The following LARS2 variants were observed in gnomAD, a reference collection of about 807,000 sequenced individuals.
LARS2 encodes leucyl-tRNA synthetase 2, mitochondrial.
A neutral mutation model predicts 116.6 loss-of-function variants in LARS2; 81 were observed. That is an observed-to-expected ratio of 0.69 (90% CI 0.58 to 0.84). The LOEUF (loss-of-function observed/expected upper bound fraction) is 0.84. LARS2 is among the 40% of genes least tolerant of loss of function. The pLI, the probability that LARS2 is intolerant of heterozygous loss-of-function variation, is 0.00. For missense variants in LARS2, 968 were observed against 1,114.5 expected (o/e 0.87, Z 1.87); for synonymous variants, 396 against 407.2 (o/e 0.97, Z 0.33).
At chr3:45,412,647 T>A (rs1368625656) in intron 4 of LARS2, among the ~76,000 whole-genome samples, 1 of 152,188 alleles carries the variant, frequency 6.6e-6, no homozygotes, top group Non-Finnish European at 1.5e-5. Flanking sequence ...GAATTGAAGA[T>A]AGTAGCTTGG....
chr3:45,413,448 T>C (rs777263362), intron 4 of LARS2, among the ~76,000 whole-genome samples: 25 of 152,230 alleles, frequency 1.6e-4, no homozygotes, highest in Non-Finnish European at 2.6e-4. Flanking sequence ...GAACATGTCA[T>C]GCTCAATAAT....
At chr3:45,509,966 C>G (rs1279158044) in intron 15 of LARS2, among the ~76,000 whole-genome samples, 5 of 152,008 alleles carry the variant, frequency 3.3e-5, no homozygotes, top group Non-Finnish European at 5.9e-5. Context: ...TTTCTTTCTT[C>G]CCTCCTCTCT....
intron 6 of LARS2, among the ~76,000 whole-genome samples, chr3:45,436,138 T>G (rs1426729274): frequency 6.6e-6 from 1 of 152,334 alleles, no homozygotes; most frequent in African/African-American, 2.4e-5. Flanking sequence ...ACGGCTCATT[T>G]TGGGCACTGC....
intron 8 of LARS2, 31 bp from the exon 9 acceptor site, chr3:45,474,212 C>A: frequency 7.1e-7 from 1 of 1,417,692 alleles, no homozygotes; most frequent in South Asian, 1.2e-5. Context: ...CCTTGTGCCT[C>A]TACTTCTTTG....
At position 45,474,507 on chromosome 3, in the gene LARS2, A is replaced by G. The variant is rs180929081; in HGVS notation, c.858+157A>G. Among the ~76,000 whole-genome samples, 3 of 152,368 alleles carry G rather than the reference A, an allele frequency of 2.0e-5. No individual in the cohort carries two copies. In the East Asian group the frequency reaches 5.8e-4, roughly 29 times the overall value. ...GTAGCCACATTTTTTAAAAGTGCAA[A>G]GAACAGGTGAAATGAATTTCAATAA... On this transcript the variant is annotated intron_variant, in intron 9 of 21. Coordinates refer to ENST00000645846, the MANE Select transcript of LARS2 (RefSeq NM_015340.4).
chr3:45,510,319 TGGGAATATCACTTGAGCCCA>T, intron 15 of LARS2, among the ~76,000 whole-genome samples: 1 of 151,734 alleles, frequency 6.6e-6, no homozygotes, highest in East Asian at 1.9e-4. Flanking sequence ...AGGGGTAAGG[TGGGAATATCACTTGAGCCCA>T]GGAGACTGAG....
chr3:45,400,117 A>G, intron 3 of LARS2, 128 bp from the exon 4 acceptor site: 1 of 880,450 alleles, frequency 1.1e-6, no homozygotes, highest in Non-Finnish European at 1.7e-6. Flanking sequence ...ACATTCTGGG[A>G]ACACTCTTTT....
intron 21 of LARS2, 43 bp downstream of exon 21, chr3:45,541,999 C>T (rs747231151): frequency 1.2e-6 from 2 of 1,609,120 alleles, no homozygotes; most frequent in Non-Finnish European, 8.5e-7. Flanking sequence ...AGTCCCTGCC[C>T]TGCTGGTGGC....
intron 20 of LARS2, among the ~76,000 whole-genome samples, chr3:45,528,334 C>T (rs1241108348): frequency 6.6e-6 from 1 of 152,180 alleles, no homozygotes; most frequent in African/African-American, 2.4e-5. Context: ...AAGAGCCTGT[C>T]TCACAAAACA....
intron 6 of LARS2, among the ~76,000 whole-genome samples, chr3:45,427,270 A>T (rs1006913976): frequency 1.3e-5 from 2 of 152,210 alleles, no homozygotes; most frequent in African/African-American, 4.8e-5. Context: ...CATGAAAATA[A>T]CAAGGATTAT....
intron 8 of LARS2, among the ~76,000 whole-genome samples, chr3:45,470,924 G>A (rs1446542973): frequency 6.6e-6 from 1 of 151,502 alleles, no homozygotes; most frequent in East Asian, 1.9e-4. Context: ...GATTCTGTGA[G>A]CCAGTGGGAT....
intron 6 of LARS2, among the ~76,000 whole-genome samples, chr3:45,443,995 A>T (rs541544255): frequency 7.2e-6 from 1 of 138,870 alleles, no homozygotes; most frequent in Non-Finnish European, 1.5e-5. Flanking sequence ...TCCTGACTAG[A>T]TCTATCCTCT....
chr3:45,526,330 T>C (rs937021740), intron 20 of LARS2, among the ~76,000 whole-genome samples: 5 of 152,226 alleles, frequency 3.3e-5, no homozygotes, highest in African/African-American at 9.6e-5. Context: ...CATTCCAAAT[T>C]GTCTTTGGAA....
Position 45,496,258 on chromosome 3 carries a change from T to C in LARS2, c.1524-17T>C. 2 of 1,579,906 alleles carry C rather than the reference T, an allele frequency of 1.3e-6. No homozygotes were observed. The highest frequency in any genetic ancestry group is 1.1e-5 in the South Asian group (1 of 90,188). ...ATTTAAAAAGAAACCAATTGATGAA[T>C]TTCATTTCTTTCTTAGGTGCAAGGG... On this transcript the variant is annotated splice_polypyrimidine_tract_variant and intron_variant, in intron 13 of 21. Transcript: ENST00000645846.
intron 10 of LARS2, among the ~76,000 whole-genome samples, chr3:45,485,428 G>A (rs1332743721): frequency 1.3e-5 from 2 of 152,200 alleles, no homozygotes; most frequent in Non-Finnish European, 2.9e-5. Context: ...TGAAGGGAAT[G>A]TCATTACTCC....
intron 8 of LARS2, among the ~76,000 whole-genome samples, chr3:45,466,576 G>A (rs1362329788): frequency 6.6e-6 from 1 of 151,980 alleles, no homozygotes; most frequent in Non-Finnish European, 1.5e-5. Context: ...CCTTCCCAGG[G>A]GGCTGATTGC....
intron 18 of LARS2, among the ~76,000 whole-genome samples, chr3:45,518,434 A>G (rs549044290): frequency 7.9e-5 from 12 of 152,286 alleles, no homozygotes; most frequent in African/African-American, 2.6e-4. Context: ...ATGACACCGC[A>G]TATGTTACAT....
In LARS2 at chr3:45,484,616, AAAAAAAAAAAAAAAATAT is replaced by A. The variant is rs1359941575; in HGVS notation, c.1019-1074_1019-1057del. On this transcript the variant is annotated intron_variant, in intron 10 of 21. Coordinates refer to ENST00000645846, the MANE Select transcript of LARS2 (RefSeq NM_015340.4). ...CCCCTGTCTCTACAAAAAAAAAAAA[AAAAAAAAAAAAAAAATAT>A]ATATATATATATATTTAAAATAAGA... Among the ~76,000 whole-genome samples the A allele has an allele frequency of 2.3e-3, 31 of 13,614 alleles. 3 individuals are homozygous for A. The highest frequency in any genetic ancestry group is 5.4e-3 in the Admixed American group (3 of 556). 8.9% of individuals were successfully genotyped at this position (13,614 alleles called of 152,430 possible).
chr3:45,457,416 C>T (rs753991164), intron 7 of LARS2, among the ~76,000 whole-genome samples: 14 of 152,294 alleles, frequency 9.2e-5, no homozygotes, highest in East Asian at 7.7e-4. Context: ...TGGTGGCTCA[C>T]GCCTGTAATC....
Sources: gnomAD v4.1 joint callset for allele counts (sites outside exome capture counted in the v4.1 genomes callset) on GRCh38, gnomAD v4.1.1 for gene constraint, MANE v1.5 for transcripts, NCBI Gene and HGNC (gene_info 2026-07-23, HGNC 2026-07-21) for gene names.